Variants in TENM1 observed in about 807,000 individuals in gnomAD.
TENM1 encodes teneurin transmembrane protein 1.
A neutral mutation model predicts 174.8 loss-of-function variants in TENM1; 35 were observed. The ratio of observed to expected loss-of-function variants is 0.20; its 90% CI spans 0.15 to 0.27. The LOEUF (loss-of-function observed/expected upper bound fraction) is 0.27, where lower values mean the gene tolerates loss of function less well. Among genes scored for constraint, TENM1 ranks in the 10% least tolerant of loss-of-function variants. TENM1 has a pLI of 1.00. For missense variants in TENM1, 1,633 were observed against 2,130.1 expected (o/e 0.77, Z 4.59); for synonymous variants, 781 against 798.7 (o/e 0.98, Z 0.37).
chrX:125,161,456 T>TA, the TENM1 span, among the ~76,000 whole-genome samples: 55,773 of 110,481 alleles, frequency 0.5, 10,941 homozygotes, highest in African/African-American at 0.67. Flanking sequence ...TGCTCAGCCA[T>TA]AAAAGGAATG....
the TENM1 span, among the ~76,000 whole-genome samples, chrX:125,161,029 G>A: frequency 1.1e-5 from 1 of 88,121 alleles, no homozygotes; most frequent in Non-Finnish European, 2.2e-5. Flanking sequence ...TTTCGACAAT[G>A]GCCAAAAAGT....
exon 32 of TENM1, chrX:124,380,286 T>C (rs1198919564): frequency 3.4e-6 from 1 of 296,978 alleles, no homozygotes; most frequent in Non-Finnish European, 5.8e-6. Context: ...AAAACTGTTT[T>C]TAGCTGTTTG....
At chrX:124,994,761 G>A in the TENM1 span, among the ~76,000 whole-genome samples, 7 of 110,473 alleles carry the variant, frequency 6.3e-5, no homozygotes, top group East Asian at 1.1e-3. Flanking sequence ...CCACCATCAC[G>A]TTCCTGAATG....
chrX:125,154,135 C>G, the TENM1 span, among the ~76,000 whole-genome samples: 2 of 112,062 alleles, frequency 1.8e-5, no homozygotes, highest in Non-Finnish European at 3.8e-5. Context: ...TTACCTGATT[C>G]ACTACCCAAC....
intron 11 of TENM1, among the ~76,000 whole-genome samples, chrX:124,607,672 G>A (rs190552478): frequency 2.6e-3 from 290 of 110,841 alleles, no homozygotes; most frequent in African/African-American, 9.0e-3. Flanking sequence ...AACTCTGAGT[G>A]AAGTGGGAAG....
intron 11 of TENM1, among the ~76,000 whole-genome samples, chrX:124,613,870 G>A (rs1187232434): frequency 9.0e-6 from 1 of 111,037 alleles, no homozygotes; most frequent in Non-Finnish European, 1.9e-5. Flanking sequence ...AAAGTCTACT[G>A]GGCCAATGGT....
intron 18 of TENM1, among the ~76,000 whole-genome samples, chrX:124,515,452 T>C (rs958608646): frequency 1.8e-5 from 2 of 111,827 alleles, no homozygotes; most frequent in Non-Finnish European, 3.8e-5. Context: ...GAAATCCCCA[T>C]AGATTTGGTC....
chrX:124,508,850 C>A (rs2047512273), intron 18 of TENM1, among the ~76,000 whole-genome samples: 1 of 111,602 alleles, frequency 9.0e-6, no homozygotes, highest in Admixed American at 9.5e-5. Flanking sequence ...TCTGGGCAGA[C>A]CCACCATTCC....
chrX:125,155,702 C>T, the TENM1 span, among the ~76,000 whole-genome samples: 6 of 112,928 alleles, frequency 5.3e-5, no homozygotes, highest in Admixed American at 9.2e-5. Context: ...GCACACCCTC[C>T]GCAGCCACTG....
chrX:124,677,713 A>G (rs187543551), intron 5 of TENM1, among the ~76,000 whole-genome samples: 14 of 111,699 alleles, frequency 1.3e-4, no homozygotes. Flanking sequence ...AAAAGGACTG[A>G]TACTGAGAAA....
In TENM1 at chrX:124,420,308, T is replaced by C; in HGVS notation, c.4982+3A>G. 8.4e-7 allele frequency: 1 copy of C among 1,190,863 alleles called. No individual in the cohort carries two copies. Among genetic ancestry groups the C allele is most frequent in the African/African-American group, 1.7e-5 (1 of 57,156 alleles). On this transcript the variant is annotated splice_donor_region_variant and intron_variant, in intron 25 of 31. Coordinates refer to ENST00000422452, the Ensembl canonical transcript of TENM1. ...AAGCCCATGTCAAGAATTAGAAACT[T>C]ACTCATAAACGGTTGTCCATCCATT...
chrX:124,967,521 A>T (rs2058741394), upstream of TENM1, among the ~76,000 whole-genome samples: 1 of 111,358 alleles, frequency 9.0e-6, no homozygotes, highest in African/African-American at 3.3e-5. Flanking sequence ...TTCTTAAGCT[A>T]TGTGCACCTA....
In TENM1 at chrX:124,449,397, G is replaced by A. The variant is rs752952489; in HGVS notation, c.4104+3940C>T. Among the ~76,000 whole-genome samples the A allele has an allele frequency of 1.5e-3, 172 of 112,197 alleles. 1 individual carries two copies. Among genetic ancestry groups the A allele is most frequent in the African/African-American group, 5.5e-3 (169 of 30,892 alleles). ...TTATGGTGGGAATTATGTTTGGAAA[G>A]TGTCATGTGAAAAAGAACCCTTCTC... On this transcript the variant is annotated intron_variant, in intron 23 of 31. Coordinates refer to ENST00000422452, the Ensembl canonical transcript of TENM1.
chrX:124,747,609 GTAAGTT>G lies in TENM1; in HGVS notation c.536-10418_536-10413del, dbSNP rs767558288. ...TTAGTTCTTCGTTAAGCTCATTCAA[GTAAGTT>G]TTTCAAAAGGTACTCATGTACCTTG... is the stretch of plus-strand genomic sequence containing the variant. On this transcript the variant is annotated intron_variant, in intron 3 of 31. Coordinates refer to ENST00000422452, the Ensembl canonical transcript of TENM1. Among the ~76,000 whole-genome samples, 774 of 108,278 alleles carry G rather than the reference GTAAGTT, an allele frequency of 7.1e-3. 5 individuals carry two copies. The highest frequency in any genetic ancestry group is 0.025 in the African/African-American group (737 of 29,879). 94.0% of individuals were successfully genotyped at this position (108,278 alleles called of 115,157 possible).
chrX:124,419,166 A>C (rs1417772119), intron 25 of TENM1, among the ~76,000 whole-genome samples: 1 of 112,465 alleles, frequency 8.9e-6, no homozygotes, highest in Non-Finnish European at 1.9e-5. Flanking sequence ...ACAACTGAAT[A>C]CATTTTTCTA....
At chrX:124,765,738 A>G (rs2054525616) in intron 3 of TENM1, among the ~76,000 whole-genome samples, 1 of 112,135 alleles carries the variant, frequency 8.9e-6, no homozygotes, top group Non-Finnish European at 1.9e-5. Flanking sequence ...TGCAAATTAC[A>G]TAATATAAAG....
At chrX:124,798,960 GC>G (rs1691764449) in intron 3 of TENM1, among the ~76,000 whole-genome samples, 1 of 111,375 alleles carries the variant, frequency 9.0e-6, no homozygotes. Context: ...TTACCCCATT[GC>G]TTTTTCTTTT....
the TENM1 span, among the ~76,000 whole-genome samples, chrX:125,048,172 A>G: frequency 9.0e-6 from 1 of 110,939 alleles, no homozygotes; most frequent in East Asian, 2.8e-4. Flanking sequence ...TTCCAGAAAC[A>G]GGGCAAATCT....
intron 11 of TENM1, among the ~76,000 whole-genome samples, chrX:124,575,480 C>A (rs1423402118): frequency 2.7e-5 from 3 of 111,881 alleles, no homozygotes; most frequent in Non-Finnish European, 5.6e-5. Flanking sequence ...ACACTCCAGC[C>A]TATATAAAAC....
Sources: allele counts gnomAD v4.1 joint callset (sites outside exome capture counted in the v4.1 genomes callset), GRCh38; gene constraint gnomAD v4.1.1; transcripts MANE v1.5; gene names NCBI Gene and HGNC (gene_info 2026-07-23, HGNC 2026-07-21).